TMEM244: variants seen among roughly 807,000 people sequenced by gnomAD.
TMEM244 encodes transmembrane protein 244.
A neutral mutation model predicts 15.8 loss-of-function variants in TMEM244; 13 were observed. The observed-to-expected ratio is 0.82, with a 90% CI of 0.53 to 1.30. TMEM244 has a LOEUF of 1.30. TMEM244 is among the 50% of genes most tolerant of loss of function. The pLI is 0.00. For synonymous variants in TMEM244, 45 were observed against 48.7 expected (o/e 0.92, Z 0.32); for missense variants, 161 against 144.9 (o/e 1.11, Z -0.57).
At chr6:129,857,873 G>A (rs1043415265) in intron 1 of TMEM244, among the ~76,000 whole-genome samples, 1 of 149,994 alleles carries the variant, frequency 6.7e-6, no homozygotes, top group African/African-American at 2.5e-5. Flanking sequence ...TATCTGATCA[G>A]ACAAAATCAT....
chr6:129,837,380 A>AT (rs2114634415), intron 3 of TMEM244, among the ~76,000 whole-genome samples: 1 of 152,360 alleles, frequency 6.6e-6, no homozygotes, highest in South Asian at 2.1e-4. Flanking sequence ...ATGCTGAGAG[A>AT]TTTTGTCACC....
At chr6:129,845,670 C>T in intron 2 of TMEM244, 97 bp downstream of exon 2, 1 of 929,254 alleles carries the variant, frequency 1.1e-6, no homozygotes, top group East Asian at 2.5e-5. Flanking sequence ...AAATCCACAT[C>T]CTCTAATCCA....
Position 129,831,334 on chromosome 6 carries a change from T to G in TMEM244, c.372A>C (p.Ser124=). The G allele has an allele frequency of 6.5e-7, 1 of 1,548,836 alleles. No individual in the cohort carries two copies. The highest frequency in any genetic ancestry group is 8.9e-7 in the Non-Finnish European group (1 of 1,120,972). ...ATTAGAGAATCTAAACAAGCAATTT[T>G]GATATACCTAAAGCAGCCCACCAAT... The part of the protein sequence containing the change: ...TSHWWAALGI[S]KLLV The change falls in exon 5 of 5, where the codon TCA becomes TCC. Residue 124 remains serine (S), a synonymous_variant. Transcript: ENST00000368143.
intron 1 of TMEM244, among the ~76,000 whole-genome samples, chr6:129,853,463 C>CT (rs140829248): frequency 1.7e-4 from 26 of 148,984 alleles, no homozygotes; most frequent in East Asian, 1.4e-3. Flanking sequence ...AAGCTTCCAC[C>CT]TTTTTTTTTT....
At chr6:129,833,686 T>C in intron 3 of TMEM244, 101 bp from the exon 4 acceptor site, 1 of 1,249,960 alleles carries the variant, frequency 8.0e-7, no homozygotes. Context: ...TGAGAATAAA[T>C]TTTGGTAAGA....
chr6:129,839,457 C>T (rs926422991), intron 3 of TMEM244, among the ~76,000 whole-genome samples: 7 of 152,138 alleles, frequency 4.6e-5, no homozygotes, highest in African/African-American at 1.7e-4. Context: ...TTATGACAAA[C>T]CCACAGCCAA....
intron 2 of TMEM244, among the ~76,000 whole-genome samples, chr6:129,844,558 G>A (rs758410698): frequency 5.9e-5 from 9 of 152,182 alleles, no homozygotes; most frequent in Non-Finnish European, 1.0e-4. Flanking sequence ...TTATACCCAA[G>A]TTTGTAGTCG....
chr6:129,841,951 T>A (rs894140369), intron 3 of TMEM244, among the ~76,000 whole-genome samples: 1 of 152,320 alleles, frequency 6.6e-6, no homozygotes, highest in African/African-American at 2.4e-5. Flanking sequence ...TGAAGAGTTA[T>A]GACATTTATC....
In TMEM244 at chr6:129,850,745, AT is replaced by A. The variant is rs1006108539; in HGVS notation, c.34-4894del. Among the ~76,000 whole-genome samples the A allele has an allele frequency of 7.4e-4, 113 of 152,382 alleles. 1 individual carries two copies. Among genetic ancestry groups the A allele is most frequent in the African/African-American group, 2.5e-3 (103 of 41,592 alleles). ...ATTAAGATTTTGACATAAATGAATCATTAAAAATAGAGATGTTTTATGTTGT... is the reference window on the plus strand; with the variant it reads ...ATTAAGATTTTGACATAAATGAATCATAAAAATAGAGATGTTTTATGTTGT... On this transcript the variant is annotated intron_variant, in intron 1 of 4. Coordinates refer to ENST00000368143, the MANE Select transcript of TMEM244 (RefSeq NM_001010876.2).
intron 3 of TMEM244, among the ~76,000 whole-genome samples, chr6:129,842,381 A>G (rs566748302): frequency 2.5e-3 from 379 of 152,298 alleles, no homozygotes; most frequent in Non-Finnish European, 3.5e-3. Context: ...TCAGAATCGA[A>G]GTATCTTGTT....
chr6:129,843,629 T>C, intron 2 of TMEM244, 26 bp from the exon 3 acceptor site: 1 of 1,556,702 alleles, frequency 6.4e-7, no homozygotes, highest in Non-Finnish European at 8.8e-7. Context: ...GTGAAAACAG[T>C]TTACTCTGAA....
intron 4 of TMEM244, among the ~76,000 whole-genome samples, chr6:129,832,025 T>C (rs1327925820): frequency 6.6e-6 from 1 of 151,930 alleles, no homozygotes; most frequent in Non-Finnish European, 1.5e-5. Context: ...CATTCTCTAA[T>C]AGCAGCGAAG....
rs1228358930 is a variant in TMEM244 at position 129,851,919 on chromosome 6, G to C, written c.34-6067C>G. Among the ~76,000 whole-genome samples, 5 of 152,232 alleles carry C rather than the reference G, an allele frequency of 3.3e-5. No individual in the cohort carries two copies. In the East Asian group the frequency reaches 9.6e-4, roughly 29 times the overall value. On this transcript the variant is annotated intron_variant, in intron 1 of 4. Transcript: ENST00000368143. ...CTGTAAAAAATCATGACATTTATGG[G>C]ACATTTGGCTATTTAAACTTGACTG...
chr6:129,857,815 C>G (rs779316118), intron 1 of TMEM244, among the ~76,000 whole-genome samples: 3 of 149,570 alleles, frequency 2.0e-5, no homozygotes, highest in Non-Finnish European at 3.0e-5. Flanking sequence ...TATATATACA[C>G]ACATATATAT....
At chr6:129,831,470 A>G (rs1298724688) in intron 4 of TMEM244, 84 bp from the exon 5 acceptor site, 3 of 921,638 alleles carry the variant, frequency 3.3e-6, no homozygotes, top group African/African-American at 3.2e-5. Flanking sequence ...TGGTCAAATT[A>G]TATCCACTCA....
At chr6:129,860,135 GTGTGTGTGTGTGTC>G (rs1238466831) in intron 1 of TMEM244, among the ~76,000 whole-genome samples, 204 of 147,364 alleles carry the variant, frequency 1.4e-3, no homozygotes, top group African/African-American at 4.4e-3. Flanking sequence ...GTGTGTGTGT[GTGTGTGTGTGTGTC>G]TGTCTGTCTG....
chr6:129,861,006 A>G (rs1374418719), intron 1 of TMEM244, 150 bp downstream of exon 1: 1 of 756,124 alleles, frequency 1.3e-6, no homozygotes, highest in East Asian at 2.6e-5. Context: ...CACAAGATGC[A>G]AGCCGTGCAG....
At chr6:129,845,722 C>A (rs746201105) in intron 2 of TMEM244, 45 bp downstream of exon 2, 1 of 1,353,954 alleles carries the variant, frequency 7.4e-7, no homozygotes, top group South Asian at 1.2e-5. Context: ...CTTTCCTATT[C>A]AATGTTAGCT....
intron 1 of TMEM244, among the ~76,000 whole-genome samples, chr6:129,857,249 CT>C (rs1045713191): frequency 2.6e-5 from 4 of 151,706 alleles, no homozygotes; most frequent in Non-Finnish European, 5.9e-5. Flanking sequence ...ATTCTCATGA[CT>C]CTTTTGTTTA....
Sources: gnomAD v4.1 joint callset for allele counts (sites outside exome capture counted in the v4.1 genomes callset) on GRCh38, gnomAD v4.1.1 for gene constraint, MANE v1.5 for transcripts, NCBI Gene and HGNC (gene_info 2026-07-23, HGNC 2026-07-21) for gene names.